KCNK2: variants seen among roughly 807,000 people sequenced by gnomAD.
KCNK2 encodes potassium two pore domain channel subfamily K member 2, also known as potassium channel subfamily K member 2.
Under a neutral mutation model 40.5 loss-of-function variants are expected in KCNK2, and 21 were observed. The ratio of observed to expected loss-of-function variants is 0.52; its 90% CI spans 0.37 to 0.75. The LOEUF is 0.75. Among genes scored for constraint, KCNK2 ranks in the 30% least tolerant of loss-of-function variants. The pLI is 0.00. For synonymous variants in KCNK2, 191 were observed against 202.2 expected (o/e 0.94, Z 0.47); for missense variants, 399 against 531.6 (o/e 0.75, Z 2.45).
At chr1:215,123,827 C>T (rs778191972) in intron 2 of KCNK2, among the ~76,000 whole-genome samples, 5 of 152,278 alleles carry the variant, frequency 3.3e-5, no homozygotes, top group Middle Eastern at 3.4e-3. Context: ...TACATTTTCT[C>T]CTAACATATT....
chr1:215,170,371 T>C (rs913123600), intron 4 of KCNK2, among the ~76,000 whole-genome samples: 3 of 152,132 alleles, frequency 2.0e-5, no homozygotes, highest in African/African-American at 7.2e-5. Context: ...ATAAGAATAC[T>C]ATGATGATAA....
chr1:215,222,459 C>T (rs2102701545), intron 6 of KCNK2, among the ~76,000 whole-genome samples: 2 of 152,222 alleles, frequency 1.3e-5, no homozygotes, highest in Middle Eastern at 6.8e-3. Context: ...CATACTTAGA[C>T]ATTTTTAGAA....
intron 1 of KCNK2, among the ~76,000 whole-genome samples, chr1:215,006,504 T>C (rs922500343): frequency 1.3e-5 from 2 of 152,198 alleles, no homozygotes; most frequent in Non-Finnish European, 2.9e-5. Context: ...AAGTTCTTTT[T>C]ACATTTCCAT....
intron 3 of KCNK2, among the ~76,000 whole-genome samples, chr1:215,168,489 G>T (rs1271371849): frequency 6.6e-6 from 1 of 152,208 alleles, no homozygotes; most frequent in Non-Finnish European, 1.5e-5. Flanking sequence ...TAAGGAAAAT[G>T]TGGTACATAT....
intron 1 of KCNK2, among the ~76,000 whole-genome samples, chr1:215,030,299 C>T (rs1021711897): frequency 6.6e-6 from 1 of 150,652 alleles, no homozygotes; most frequent in Middle Eastern, 3.6e-3. Flanking sequence ...TTTTGGAATA[C>T]AGTCCTTTAT....
intron 6 of KCNK2, among the ~76,000 whole-genome samples, chr1:215,197,711 A>G (rs1218516100): frequency 1.3e-5 from 2 of 152,156 alleles, no homozygotes; most frequent in Admixed American, 1.3e-4. Flanking sequence ...ATTCAAAATG[A>G]AAACAAGACC....
At chr1:215,108,798 G>GT in intron 2 of KCNK2, among the ~76,000 whole-genome samples, 1 of 149,384 alleles carries the variant, frequency 6.7e-6, no homozygotes, top group Non-Finnish European at 1.5e-5. Context: ...ATTCATCTGT[G>GT]TGGGGTGGGA....
chr1:215,007,029 A>ATATGTGTGTG (rs1553254669), intron 1 of KCNK2, among the ~76,000 whole-genome samples: 1 of 68,450 alleles, frequency 1.5e-5, no homozygotes, highest in African/African-American at 5.3e-5. Flanking sequence ...ATATATATAT[A>ATATGTGTGTG]TATATATATG....
intron 1 of KCNK2, among the ~76,000 whole-genome samples, chr1:215,066,784 A>C (rs1658563334): frequency 6.6e-6 from 1 of 152,170 alleles, no homozygotes; most frequent in South Asian, 2.1e-4. Flanking sequence ...CAGGTAGTAG[A>C]TTTTGGAGGA....
At chr1:215,167,201 A>G (rs1305092205) in intron 3 of KCNK2, among the ~76,000 whole-genome samples, 1 of 152,138 alleles carries the variant, frequency 6.6e-6, no homozygotes, top group Admixed American at 6.6e-5. Context: ...TCAAATAACA[A>G]TGAAATAAAT....
Position 215,086,656 on chromosome 1 carries a change from C to G in KCNK2, c.335C>G (p.Thr112Arg). The G allele has an allele frequency of 6.2e-7, 1 of 1,613,870 alleles. No individual in the cohort carries two copies. Among genetic ancestry groups the G allele is most frequent in the African/African-American group, 1.3e-5 (1 of 75,032 alleles). Residue 112 changes from threonine to arginine, a missense_variant, in exon 2 of 7, where the codon ACG becomes AGG. Around this residue, in one of 3 missense-constraint regions of KCNK2, gnomAD observed 279 missense variants for 353.8 expected, o/e 0.79. Transcript: ENST00000444842. ...TCCCAACATTCCTGTGTCAATTCGACGGAGCTGGATGAACTCATTCAGGTA... is the reference window on the plus strand; with the variant it reads ...TCCCAACATTCCTGTGTCAATTCGAGGGAGCTGGATGAACTCATTCAGGTA... Reference protein sequence around the residue: ...FISQHSCVNSTELDELIQQIV... With the variant: ...FISQHSCVNSRELDELIQQIV...
intron 5 of KCNK2, among the ~76,000 whole-genome samples, chr1:215,181,614 G>T (rs1359268493): frequency 1.3e-5 from 2 of 152,058 alleles, no homozygotes; most frequent in Non-Finnish European, 2.9e-5. Flanking sequence ...TGACTGTAGA[G>T]AATACTGGGC....
At chr1:215,077,240 A>G (rs556141625) in intron 1 of KCNK2, among the ~76,000 whole-genome samples, 1 of 152,270 alleles carries the variant, frequency 6.6e-6, no homozygotes, top group Admixed American at 6.5e-5. Context: ...AAGGGGTGGT[A>G]AGTGCCTTTG....
At chr1:215,124,511 G>T (rs1661331300) in intron 2 of KCNK2, 122 bp from the exon 3 acceptor site, 7 of 720,440 alleles carry the variant, frequency 9.7e-6, no homozygotes, top group Middle Eastern at 2.7e-4. Context: ...ATTTTAAATG[G>T]AAGAGCAAAA....
chr1:215,193,044 ATTT>A (rs1172768071), intron 5 of KCNK2, among the ~76,000 whole-genome samples: 2 of 152,066 alleles, frequency 1.3e-5, no homozygotes, highest in Non-Finnish European at 2.9e-5. Flanking sequence ...TGCATACTTG[ATTT>A]TTAATATATA....
chr1:215,159,270 G>A (rs940868918), intron 3 of KCNK2, among the ~76,000 whole-genome samples: 6 of 152,100 alleles, frequency 3.9e-5, no homozygotes, highest in Non-Finnish European at 7.4e-5. Flanking sequence ...TGCCAGTCAT[G>A]GCAGATTCTT....
At chr1:215,140,934 G>A (rs1662144363) in intron 3 of KCNK2, among the ~76,000 whole-genome samples, 1 of 151,982 alleles carries the variant, frequency 6.6e-6, no homozygotes, top group South Asian at 2.1e-4. Context: ...TCATTTTACA[G>A]CTGTACAAAA....
At chr1:215,169,166 T>C (rs1247109076) in intron 3 of KCNK2, 33 bp from the exon 4 acceptor site, 1 of 1,544,580 alleles carries the variant, frequency 6.5e-7, no homozygotes, top group Admixed American at 2.0e-5. Context: ...AAACAACTAT[T>C]ATTCATTTGT....
chr1:215,009,360 C>A (rs1656295309), intron 1 of KCNK2, among the ~76,000 whole-genome samples: 2 of 152,066 alleles, frequency 1.3e-5, no homozygotes, highest in Non-Finnish European at 2.9e-5. Context: ...TGGAAAATTA[C>A]TGTATTTGTG....
Sources: allele counts gnomAD v4.1 joint callset (sites outside exome capture counted in the v4.1 genomes callset), GRCh38; gene constraint gnomAD v4.1.1; regional missense constraint gnomAD v4.1.1; transcripts MANE v1.5; gene names NCBI Gene and HGNC (gene_info 2026-07-23, HGNC 2026-07-21).